AGAP1: variants seen among roughly 807,000 people sequenced by gnomAD.
AGAP1 encodes ArfGAP with GTPase domain, ankyrin repeat and PH domain 1, also known as arf-GAP with GTPase, ANK repeat and PH domain-containing protein 1.
In AGAP1, 29 loss-of-function variants were observed where a neutral mutation model predicts 105.3. The ratio of observed to expected loss-of-function variants is 0.28; its 90% confidence interval spans 0.21 to 0.38. The LOEUF (loss-of-function observed/expected upper bound fraction) is 0.38. Among genes scored for constraint, AGAP1 ranks in the 10% least tolerant of loss-of-function variants. The pLI, the probability that AGAP1 is intolerant of heterozygous loss-of-function variation, is 1.00. For missense variants in AGAP1, 998 were observed against 1,165.1 expected (o/e 0.86, Z 2.09); for synonymous variants, 509 against 485.9 (o/e 1.05, Z -0.63).
chr2:235,804,010 GAAAT>G (rs1310631829), intron 8 of AGAP1, among the ~76,000 whole-genome samples: 1 of 152,160 alleles, frequency 6.6e-6, no homozygotes, highest in Non-Finnish European at 1.5e-5. Context: ...CAAACATACA[GAAAT>G]AAACACGTGT....
chr2:235,799,487 C>T lies in AGAP1; in HGVS notation c.922C>T (p.Arg308Cys), dbSNP rs750448988. Reference protein sequence around the residue: ...PPTANTPTPVRKQSKRRSNLF... With the variant: ...PPTANTPTPVCKQSKRRSNLF... Reference sequence around the variant, plus strand: ...CACTGCCAACACGCCCACGCCCGTTCGCAAGCAGTCTAAGCGCCGGTCCAA... The same window carrying T: ...CACTGCCAACACGCCCACGCCCGTTTGCAAGCAGTCTAAGCGCCGGTCCAA... Residue 308 changes from arginine to cysteine, a missense_variant, in exon 8 of 18, where the codon CGC becomes TGC. Arg to Cys is a radical substitution (Grantham distance 180). Transcript: ENST00000304032. This position sits in a 1 kb window ranked among gnomAD's most constrained non-coding sequence, Gnocchi z 5.0. 6.8e-6 allele frequency: 11 copies of T among 1,614,242 alleles called. No individual in the cohort carries two copies. The highest frequency in any genetic ancestry group is 4.4e-5 in the South Asian group (4 of 91,086).
At chr2:236,043,278 T>G (rs1041663544) in intron 15 of AGAP1, among the ~76,000 whole-genome samples, 1 of 152,164 alleles carries the variant, frequency 6.6e-6, no homozygotes, top group Non-Finnish European at 1.5e-5. Context: ...ACTAAACCAA[T>G]GGGATTGAGT....
intron 16 of AGAP1, among the ~76,000 whole-genome samples, chr2:236,084,130 C>G (rs1029494350): frequency 6.6e-6 from 1 of 152,140 alleles, no homozygotes; most frequent in Admixed American, 6.5e-5. Flanking sequence ...CCTGTAAACA[C>G]CAAAGTTCCC....
At chr2:235,657,571 G>A (rs1190558294) in intron 1 of AGAP1, among the ~76,000 whole-genome samples, 1 of 152,046 alleles carries the variant, frequency 6.6e-6, no homozygotes, top group African/African-American at 2.4e-5. Context: ...AGTAGAGATG[G>A]GGGTTTCACC....
chr2:235,813,889 G>A (rs961030993), intron 9 of AGAP1, among the ~76,000 whole-genome samples: 3 of 152,184 alleles, frequency 2.0e-5, no homozygotes, highest in Non-Finnish European at 2.9e-5. Flanking sequence ...CCAGAAGGGC[G>A]ATGGAGTGGG....
At chr2:235,670,701 C>T (rs1449691104) in intron 1 of AGAP1, 14 of 745,544 alleles carry the variant, frequency 1.9e-5, no homozygotes, top group African/African-American at 5.5e-5. Context: ...GCGACCGCCA[C>T]GCAGCCCGCC....
intron 2 of AGAP1, among the ~76,000 whole-genome samples, chr2:235,710,871 A>G (rs1441182551): frequency 6.6e-6 from 1 of 152,144 alleles, no homozygotes; most frequent in Non-Finnish European, 1.5e-5. Flanking sequence ...GATGGTGTGG[A>G]TACAGCGCTG....
Position 236,113,607 on chromosome 2 carries a change from G to A in AGAP1, c.2115-6585G>A, listed in dbSNP as rs113781386. Reference sequence around the variant, plus strand: ...TTGGCATGGCAGGCACTAAGTATGCGGGTAGCAGGTGGGGAGTGTCCAAGA... The same window carrying A: ...TTGGCATGGCAGGCACTAAGTATGCAGGTAGCAGGTGGGGAGTGTCCAAGA... On this transcript the variant is annotated intron_variant, in intron 16 of 17. Transcript: ENST00000304032. This position sits in a 1 kb window ranked among gnomAD's most constrained non-coding sequence, Gnocchi z 4.3. Among the ~76,000 whole-genome samples the A allele has an allele frequency of 2.0e-5, 3 of 152,172 alleles. No homozygotes were observed. The highest frequency in any genetic ancestry group is 6.5e-5 in the Admixed American group (1 of 15,276).
chr2:235,681,708 T>G (rs1401604669), intron 1 of AGAP1, among the ~76,000 whole-genome samples: 1 of 152,188 alleles, frequency 6.6e-6, no homozygotes, highest in African/African-American at 2.4e-5. Flanking sequence ...TAATGTCCTC[T>G]TAGGACTCTG....
At chr2:235,580,362 G>A (rs1230975945) in intron 1 of AGAP1, among the ~76,000 whole-genome samples, 2 of 151,958 alleles carry the variant, frequency 1.3e-5, no homozygotes, top group Admixed American at 6.6e-5. Flanking sequence ...AAGACGTGCC[G>A]GCCGCTTACA....
chr2:235,670,138 A>G, intron 1 of AGAP1: 1 of 576,546 alleles, frequency 1.7e-6, no homozygotes, highest in East Asian at 3.8e-5. Flanking sequence ...CCGCGTCGCC[A>G]CCCGCGGACG....
chr2:235,969,272 T>A (rs1306542162), intron 13 of AGAP1, among the ~76,000 whole-genome samples: 1 of 151,970 alleles, frequency 6.6e-6, no homozygotes, highest in Non-Finnish European at 1.5e-5. Flanking sequence ...TTTTTTTAAT[T>A]CATAGATGCA....
chr2:235,650,857 CAT>C (rs757096677), intron 1 of AGAP1, among the ~76,000 whole-genome samples: 1 of 152,070 alleles, frequency 6.6e-6, no homozygotes, highest in Non-Finnish European at 1.5e-5. Flanking sequence ...CAGCCTCTGA[CAT>C]GTGTGGCACC....
rs773406522 is a variant in AGAP1 at position 235,967,538 on chromosome 2, G to T, written c.1484-924G>T. Among the ~76,000 whole-genome samples the T allele has an allele frequency of 4.6e-5, 7 of 152,204 alleles. No individual in the cohort carries two copies. Among genetic ancestry groups the T allele is most frequent in the Non-Finnish European group, 8.8e-5 (6 of 68,046 alleles). Reference sequence around the variant, plus strand: ...TGGCTGCCAAGCATCTTGAAAAGCCGCTGGCTCACAGTCAGTGCTCAAAAA... The same window carrying T: ...TGGCTGCCAAGCATCTTGAAAAGCCTCTGGCTCACAGTCAGTGCTCAAAAA... On this transcript the variant is annotated intron_variant, in intron 12 of 17. Transcript: ENST00000304032. The surrounding 1 kb of genome is among the most constrained non-coding windows in gnomAD (Gnocchi z 4.7).
intron 9 of AGAP1, among the ~76,000 whole-genome samples, chr2:235,859,404 C>CT (rs2048829262): frequency 4.0e-5 from 4 of 99,080 alleles, no homozygotes; most frequent in East Asian, 1.0e-3. Flanking sequence ...CCCCCCCCCC[C>CT]CCCGCCTTTT....
At position 236,120,483 on chromosome 2, in the gene AGAP1, A is replaced by G. The variant is rs1480305578; in HGVS notation, c.2370+36A>G. The G allele has an allele frequency of 3.1e-6, 5 of 1,608,972 alleles. No homozygotes were observed. The highest frequency in any genetic ancestry group is 1.1e-5 in the South Asian group (1 of 90,644). Reference sequence around the variant, plus strand: ...GGCACGCCTGGCAGAGGACGGGGCCACAGGAGGCACTCTCTGCTTTGTTCT... The same window carrying G: ...GGCACGCCTGGCAGAGGACGGGGCCGCAGGAGGCACTCTCTGCTTTGTTCT... On this transcript the variant is annotated intron_variant, in intron 17 of 17. Coordinates refer to ENST00000304032, the MANE Select transcript of AGAP1 (RefSeq NM_001037131.3). This position sits in a 1 kb window ranked among gnomAD's most constrained non-coding sequence, Gnocchi z 6.0.
At chr2:235,564,589 G>T (rs780476064) in intron 1 of AGAP1, among the ~76,000 whole-genome samples, 1 of 152,150 alleles carries the variant, frequency 6.6e-6, no homozygotes, top group Non-Finnish European at 1.5e-5. Context: ...TGTGAGCCTG[G>T]ACCAGCACCC....
rs1425016058 is a variant in AGAP1, at chr2:235,888,161, T to C, written c.1155+4712T>C. 6.6e-6 allele frequency among the ~76,000 whole-genome samples: 1 copy of C among 151,604 alleles called. No homozygotes were observed. Among genetic ancestry groups the C allele is most frequent in the East Asian group, 1.9e-4 (1 of 5,158 alleles). ...ATTGGAGCAAGAGTAAACAACTGAG[T>C]CAAGTTTAAACGGAATAGGCCAATG... On this transcript the variant is annotated intron_variant, in intron 10 of 17. Transcript: ENST00000304032. This position sits in a 1 kb window ranked among gnomAD's most constrained non-coding sequence, Gnocchi z 4.8.
chr2:235,650,269 GAAA>G (rs1947537693), intron 1 of AGAP1, among the ~76,000 whole-genome samples: 1 of 152,272 alleles, frequency 6.6e-6, no homozygotes, highest in South Asian at 2.1e-4. Flanking sequence ...GCTGAGACAG[GAAA>G]AATCACTTGA....
Sources: gnomAD v4.1 joint callset for allele counts (sites outside exome capture counted in the v4.1 genomes callset) on GRCh38, gnomAD v4.1.1 for gene constraint, Gnocchi (gnomAD v3.1) non-coding constraint, MANE v1.5 for transcripts, NCBI Gene and HGNC (gene_info 2026-07-23, HGNC 2026-07-21) for gene names.